The following WDPCP variants were observed in gnomAD, a reference collection of about 807,000 sequenced individuals.
WDPCP encodes the protein WD repeat-containing and planar cell polarity effector protein fritz homolog.
Under a neutral mutation model 93.1 loss-of-function variants are expected in WDPCP, and 71 were observed. The observed-to-expected ratio is 0.76, with a 90% CI of 0.63 to 0.93. The LOEUF (loss-of-function observed/expected upper bound fraction) is 0.93, where lower values mean the gene tolerates loss of function less well. Among genes scored for constraint, WDPCP ranks in the 40% least tolerant of loss-of-function variants. The pLI is 0.00. For synonymous variants in WDPCP, 315 were observed against 315.0 expected (o/e 1.00, Z 0.00); for missense variants, 844 against 887.4 (o/e 0.95, Z 0.62).
At chr2:63,241,599 T>A (rs1373042189) in intron 14 of WDPCP, among the ~76,000 whole-genome samples, 1 of 152,146 alleles carries the variant, frequency 6.6e-6, no homozygotes, top group African/African-American at 2.4e-5. Context: ...CCATGATTTT[T>A]AATTTTTAAA....
intron 1 of WDPCP, among the ~76,000 whole-genome samples, chr2:63,502,994 G>C: frequency 6.6e-6 from 1 of 152,188 alleles, no homozygotes; most frequent in East Asian, 1.9e-4. Context: ...AAAGAGGTTA[G>C]AACAAATTCT....
intron 14 of WDPCP, chr2:63,228,418 T>G (rs1272971139): frequency 6.7e-6 from 1 of 150,076 alleles, no homozygotes; most frequent in Non-Finnish European, 1.5e-5. Context: ...ATTTTTTGAT[T>G]GATTCTATAT....
At chr2:63,703,418 G>C (rs1669094172) in intron 2 of WDPCP, among the ~76,000 whole-genome samples, 1 of 152,044 alleles carries the variant, frequency 6.6e-6, no homozygotes, top group Non-Finnish European at 1.5e-5. Flanking sequence ...GCCATTCTAA[G>C]TGGTGTGAGA....
intron 6 of WDPCP, among the ~76,000 whole-genome samples, chr2:63,472,580 C>T (rs1404715961): frequency 6.6e-6 from 1 of 151,842 alleles, no homozygotes; most frequent in African/African-American, 2.4e-5. Context: ...CTGATTATTA[C>T]TTTTATTTTT....
At chr2:63,684,106 C>T (rs1575746904) in intron 2 of WDPCP, among the ~76,000 whole-genome samples, 9 of 152,274 alleles carry the variant, frequency 5.9e-5, no homozygotes, top group African/African-American at 2.4e-5. Flanking sequence ...TTAATCTACA[C>T]TATAGACCAA....
chr2:63,177,049 A>G (rs1673864575), intron 14 of WDPCP, among the ~76,000 whole-genome samples: 1 of 152,120 alleles, frequency 6.6e-6, no homozygotes. Flanking sequence ...ACATCTGTCA[A>G]AAATTGTTTG....
intron 9 of WDPCP, among the ~76,000 whole-genome samples, chr2:63,431,738 A>T (rs1315531645): frequency 6.6e-6 from 1 of 152,124 alleles, no homozygotes; most frequent in African/African-American, 2.4e-5. Context: ...TACTTTTTGC[A>T]TAATGACTTT....
chr2:63,484,704 C>A (rs760273322), intron 5 of WDPCP, 41 bp from the exon 6 acceptor site: 2 of 1,610,996 alleles, frequency 1.2e-6, no homozygotes, highest in African/African-American at 2.7e-5. Context: ...GTTGGCTGTA[C>A]ACATTGTCAT....
intron 1 of WDPCP, among the ~76,000 whole-genome samples, chr2:63,816,852 A>C (rs1256608362): frequency 6.6e-6 from 1 of 152,206 alleles, no homozygotes; most frequent in Non-Finnish European, 1.5e-5. Flanking sequence ...AAACAAGTTG[A>C]GTAAAAGAAG....
intron 2 of WDPCP, among the ~76,000 whole-genome samples, chr2:63,735,413 G>A (rs543382598): frequency 6.6e-6 from 1 of 152,280 alleles, no homozygotes; most frequent in South Asian, 2.1e-4. Context: ...GGCATGTGAA[G>A]GAAGAACAGG....
At chr2:63,129,298 G>A (rs968013817) in intron 17 of WDPCP, among the ~76,000 whole-genome samples, 12 of 152,210 alleles carry the variant, frequency 7.9e-5, no homozygotes, top group African/African-American at 2.7e-4. Context: ...TATACCAGAA[G>A]TAAAATTGCT....
At chr2:63,483,561 T>C (rs1481491403) in intron 6 of WDPCP, among the ~76,000 whole-genome samples, 1 of 151,876 alleles carries the variant, frequency 6.6e-6, no homozygotes, top group Non-Finnish European at 1.5e-5. Flanking sequence ...ACAAAAATGA[T>C]AGTATATATA....
chr2:63,705,512 G>T (rs1244483616), intron 2 of WDPCP, among the ~76,000 whole-genome samples: 1 of 151,948 alleles, frequency 6.6e-6, no homozygotes, highest in African/African-American at 2.4e-5. Context: ...TGTTCTCATT[G>T]GTTTCAAAGA....
intron 2 of WDPCP, among the ~76,000 whole-genome samples, chr2:63,769,564 G>T (rs575563453): frequency 6.6e-6 from 1 of 151,944 alleles, no homozygotes; most frequent in Non-Finnish European, 1.5e-5. Flanking sequence ...GCCTCGTGAG[G>T]TTTTGGTACC....
intron 14 of WDPCP, among the ~76,000 whole-genome samples, chr2:63,252,371 A>G (rs555520576): frequency 6.6e-6 from 1 of 152,308 alleles, no homozygotes; most frequent in African/African-American, 2.4e-5. Flanking sequence ...AAGAACAGGA[A>G]TAAGACAAAG....
chr2:63,469,455 C>T (rs1007287716), intron 6 of WDPCP, among the ~76,000 whole-genome samples: 3 of 152,184 alleles, frequency 2.0e-5, no homozygotes, highest in African/African-American at 7.2e-5. Flanking sequence ...CCTAGATGCC[C>T]ATCAGTGGTA....
At chr2:63,181,821 G>A (rs1020984501) in intron 14 of WDPCP, among the ~76,000 whole-genome samples, 2 of 151,412 alleles carry the variant, frequency 1.3e-5, no homozygotes, top group African/African-American at 4.8e-5. Context: ...ATGAACATGG[G>A]AGGTTTTTCC....
chr2:63,702,694 C>T (rs1047073807), intron 2 of WDPCP, among the ~76,000 whole-genome samples: 56 of 150,762 alleles, frequency 3.7e-4, no homozygotes, highest in African/African-American at 1.2e-3. Context: ...CCCACCACCA[C>T]ATCCAGCTAA....
At chr2:63,686,593 A>G (rs1668806776) in intron 2 of WDPCP, among the ~76,000 whole-genome samples, 1 of 152,224 alleles carries the variant, frequency 6.6e-6, no homozygotes, top group African/African-American at 2.4e-5. Context: ...AAATCCTAAA[A>G]TTAAGCAGAA....
Sources: allele counts gnomAD v4.1 joint callset (sites outside exome capture counted in the v4.1 genomes callset), GRCh38; gene constraint gnomAD v4.1.1; transcripts MANE v1.5; gene names NCBI Gene and HGNC (gene_info 2026-07-23, HGNC 2026-07-21).